Variants in CENPP observed in about 807,000 individuals in gnomAD.
The protein encoded by CENPP is centromere protein P.
CENPP carries 24 observed loss-of-function variants against 35.6 expected under a neutral mutation model. The observed-to-expected ratio is 0.67, with a 90% CI of 0.49 to 0.95. The LOEUF (loss-of-function observed/expected upper bound fraction) is 0.95, where lower values mean the gene tolerates loss of function less well. CENPP is among the 40% of genes least tolerant of loss of function. The pLI is 0.00. For synonymous variants in CENPP, 120 were observed against 125.5 expected (o/e 0.96, Z 0.29); for missense variants, 332 against 345.3 (o/e 0.96, Z 0.31).
intron 5 of CENPP, chr9:92,517,610 C>G: frequency 1.3e-6 from 2 of 1,575,248 alleles, no homozygotes; most frequent in Non-Finnish European, 1.7e-6. Context: ...TAATTTTAAT[C>G]TAAAATTAGT....
chr9:92,409,287 A>G (rs1266204176), intron 5 of CENPP, among the ~76,000 whole-genome samples: 2 of 152,184 alleles, frequency 1.3e-5, no homozygotes, highest in African/African-American at 4.8e-5. Flanking sequence ...AGCTGCTCTT[A>G]TGCTTTATTT....
At chr9:92,507,787 C>G (rs1312469867) in intron 5 of CENPP, among the ~76,000 whole-genome samples, 3 of 152,188 alleles carry the variant, frequency 2.0e-5, no homozygotes, top group Non-Finnish European at 4.4e-5. Context: ...TCACACCTCT[C>G]TCTCAATTGT....
chr9:92,520,726 C>A (rs545574808), intron 5 of CENPP, among the ~76,000 whole-genome samples: 11 of 152,088 alleles, frequency 7.2e-5, no homozygotes, highest in African/African-American at 2.4e-4. Flanking sequence ...AACTGGTAGA[C>A]AATATGGATA....
At chr9:92,522,991 T>C (rs1848171892) in intron 5 of CENPP, 2 of 1,167,130 alleles carry the variant, frequency 1.7e-6, no homozygotes, top group African/African-American at 3.1e-5. Context: ...GGCAAGTCTT[T>C]GAGAAATTAC....
chr9:92,480,587 G>A (rs1301475492), intron 5 of CENPP, among the ~76,000 whole-genome samples: 1 of 152,190 alleles, frequency 6.6e-6, no homozygotes, highest in African/African-American at 2.4e-5. Flanking sequence ...AAGCACATAA[G>A]CTTTCTTGTT....
At chr9:92,457,111 AAT>A in intron 5 of CENPP, 1 of 1,407,206 alleles carries the variant, frequency 7.1e-7, no homozygotes, top group Non-Finnish European at 9.2e-7. Context: ...CTTATGTATC[AAT>A]AGTTTGGCAA....
chr9:92,404,550 G>A, intron 5 of CENPP: 1 of 1,298,500 alleles, frequency 7.7e-7, no homozygotes, highest in Non-Finnish European at 1.0e-6. Flanking sequence ...GTTCATGTCT[G>A]TGCATTAGCC....
chr9:92,575,348 C>G (rs1850255173), intron 5 of CENPP, among the ~76,000 whole-genome samples: 1 of 152,250 alleles, frequency 6.6e-6, no homozygotes, highest in Middle Eastern at 3.4e-3. Flanking sequence ...ACTCCTAAAA[C>G]TCAACACCAA....
At chr9:92,524,650 T>C (rs1403575519) in intron 5 of CENPP, among the ~76,000 whole-genome samples, 2 of 152,172 alleles carry the variant, frequency 1.3e-5, no homozygotes, top group Non-Finnish European at 2.9e-5. Flanking sequence ...TGTCAGTGTT[T>C]CCTGAGATGA....
At position 92,612,504 on chromosome 9, in the gene CENPP, T is replaced by C; in HGVS notation, c.645-19T>C. ...AGATTTCAAAAAGCACATAACGACA[T>C]GTTTTACTGCTTTTTCAGGTTTGAA... On this transcript the variant is annotated intron_variant, in intron 6 of 7. Coordinates refer to ENST00000375587, the MANE Select transcript of CENPP (RefSeq NM_001012267.3). The C allele has an allele frequency of 6.3e-7, 1 of 1,591,132 alleles. No homozygotes were observed. The highest frequency in any genetic ancestry group is 1.7e-5 in the Admixed American group (1 of 59,980).
At chr9:92,427,671 G>A (rs1477122856) in intron 5 of CENPP, among the ~76,000 whole-genome samples, 1 of 150,900 alleles carries the variant, frequency 6.6e-6, no homozygotes, top group Non-Finnish European at 1.5e-5. Flanking sequence ...GTAGAGTCGG[G>A]GGTTTTCCAT....
chr9:92,416,344 C>T (rs1312381531), intron 5 of CENPP, among the ~76,000 whole-genome samples: 3 of 151,794 alleles, frequency 2.0e-5, no homozygotes, highest in Non-Finnish European at 4.4e-5. Flanking sequence ...AAGTGATCCA[C>T]CCCACCCGCC....
intron 5 of CENPP, among the ~76,000 whole-genome samples, chr9:92,572,598 T>G (rs192136273): frequency 6.6e-6 from 1 of 152,322 alleles, no homozygotes; most frequent in East Asian, 1.9e-4. Flanking sequence ...AGTATCTTTG[T>G]GGCGTTCTCT....
chr9:92,582,595 T>C (rs941707725), intron 5 of CENPP, among the ~76,000 whole-genome samples: 2 of 151,838 alleles, frequency 1.3e-5, no homozygotes, highest in Non-Finnish European at 2.9e-5. Flanking sequence ...CCCTCTCTTT[T>C]ATTATCTGTG....
chr9:92,495,792 T>G, intron 5 of CENPP: 1 of 950,380 alleles, frequency 1.1e-6, no homozygotes, highest in African/African-American at 1.8e-5. Flanking sequence ...AAATGAAAGC[T>G]ACCCCAATAT....
chr9:92,418,233 C>T (rs942136729), intron 5 of CENPP, among the ~76,000 whole-genome samples: 9 of 151,832 alleles, frequency 5.9e-5, no homozygotes, highest in Non-Finnish European at 8.8e-5. Context: ...ACTACAGGCG[C>T]GTGCCACCAC....
intron 5 of CENPP, among the ~76,000 whole-genome samples, chr9:92,497,620 G>A (rs1846423780): frequency 6.9e-6 from 1 of 144,600 alleles, no homozygotes; most frequent in Admixed American, 7.1e-5. Context: ...GCAAAACTCT[G>A]TCTCAAAAAA....
At chr9:92,480,069 T>C (rs1489554635) in intron 5 of CENPP, among the ~76,000 whole-genome samples, 1 of 152,238 alleles carries the variant, frequency 6.6e-6, no homozygotes, top group Non-Finnish European at 1.5e-5. Context: ...CTCTGTTTTA[T>C]TAGTTTTGGC....
intron 5 of CENPP, among the ~76,000 whole-genome samples, chr9:92,543,103 G>A (rs951985890): frequency 1.3e-5 from 2 of 152,132 alleles, no homozygotes; most frequent in South Asian, 4.1e-4. Context: ...GTACTATGCT[G>A]TTTGGATTAC....
Sources: gnomAD v4.1 joint callset for allele counts (sites outside exome capture counted in the v4.1 genomes callset) on GRCh38, gnomAD v4.1.1 for gene constraint, MANE v1.5 for transcripts, NCBI Gene and HGNC (gene_info 2026-07-23, HGNC 2026-07-21) for gene names.